TTC3: variants seen among roughly 807,000 people sequenced by gnomAD.
The protein encoded by TTC3 is E3 ubiquitin-protein ligase TTC3.
In TTC3, 180 loss-of-function variants were observed where a neutral mutation model predicts 249.6. The ratio of observed to expected loss-of-function variants is 0.72; its 90% CI spans 0.64 to 0.82. TTC3 has a LOEUF of 0.82. TTC3 is among the 40% of genes least tolerant of loss of function. The pLI is 0.00. For missense variants in TTC3, 2,061 were observed against 2,398.4 expected (o/e 0.86, Z 2.94); for synonymous variants, 717 against 805.0 (o/e 0.89, Z 1.85).
chr21:37,114,570 T>G (rs1470996262), intron 11 of TTC3, among the ~76,000 whole-genome samples: 1 of 152,168 alleles, frequency 6.6e-6, no homozygotes. Flanking sequence ...AGGAACACTT[T>G]TACACTGTTG....
At chr21:37,192,020 C>A in intron 40 of TTC3, 92 bp from the exon 41 acceptor site, 1 of 784,178 alleles carries the variant, frequency 1.3e-6, no homozygotes, top group Non-Finnish European at 2.0e-6. Flanking sequence ...ATTTCCTTAC[C>A]AAGACAGTTA....
intron 14 of TTC3, among the ~76,000 whole-genome samples, chr21:37,125,858 G>T (rs1486507438): frequency 8.4e-6 from 1 of 119,734 alleles, no homozygotes. Flanking sequence ...AATAGAAATA[G>T]AATTGTCATT....
At chr21:37,173,203 G>A (rs1053744415) in intron 35 of TTC3, among the ~76,000 whole-genome samples, 4 of 152,100 alleles carry the variant, frequency 2.6e-5, no homozygotes, top group Admixed American at 1.3e-4. Context: ...CCTGGAAAAT[G>A]TGAGTAATAA....
chr21:37,134,924 G>A (rs2147934138), intron 17 of TTC3, among the ~76,000 whole-genome samples: 1 of 152,256 alleles, frequency 6.6e-6, no homozygotes, highest in South Asian at 2.1e-4. Flanking sequence ...TTCTTGCTTA[G>A]AATTAAGGTT....
rs1204419590 is a variant in TTC3 at position 37,164,200 on chromosome 21, G to T, written c.3320G>T (p.Cys1107Phe). ...TGGGACATGAACCCAAAACAAAAAT[G>T]TTCAACTCTATATGAGTAAGTGGGT... The change falls in exon 32 of 46, where the codon TGT (cysteine) becomes TTT (phenylalanine). Residue 1107 changes from cysteine (C) to phenylalanine (F), a missense_variant. Cys to Phe is a radical substitution (Grantham distance 205). This residue lies in a region of TTC3 where 1,040 missense variants were observed against 1,186.1 expected (regional missense o/e 0.88). Transcript: ENST00000355666. The T allele has an allele frequency of 6.2e-7, 1 of 1,608,212 alleles. No individual in the cohort carries two copies. Among genetic ancestry groups the T allele is most frequent in the East Asian group, 2.2e-5 (1 of 44,694 alleles).
chr21:37,156,240 G>A (rs976473322), intron 27 of TTC3, among the ~76,000 whole-genome samples: 9 of 79,074 alleles, frequency 1.1e-4, no homozygotes, highest in Non-Finnish European at 2.4e-5. Context: ...GTCTTGCTAT[G>A]TTGCCAGGGC....
At chr21:37,142,001 C>T (rs1036361736) in intron 20 of TTC3, among the ~76,000 whole-genome samples, 3 of 152,076 alleles carry the variant, frequency 2.0e-5, no homozygotes, top group African/African-American at 7.2e-5. Context: ...AGACAAAAAC[C>T]GCATGATTAT....
At chr21:37,171,888 C>T (rs1322701633) in intron 34 of TTC3, among the ~76,000 whole-genome samples, 4 of 152,158 alleles carry the variant, frequency 2.6e-5, no homozygotes, top group Non-Finnish European at 4.4e-5. Flanking sequence ...CAGAGCTGGA[C>T]CAGGTTTGTG....
At chr21:37,144,461 CTT>C in intron 20 of TTC3, 62 bp from the exon 21 acceptor site, 2 of 1,550,136 alleles carry the variant, frequency 1.3e-6, no homozygotes, top group Non-Finnish European at 1.7e-6. Context: ...TCTTTGGTGA[CTT>C]TTGAAGGGAG....
chr21:37,191,413 G>T lies in TTC3; in HGVS notation c.5104G>T (p.Glu1702Ter). Residue 1702 changes from glutamate (E) to a stop codon, truncating the protein, a stop_gained, in exon 40 of 46, where the codon GAG becomes TAG. Transcript: ENST00000355666. LOFTEE classifies it high-confidence loss of function. ...TCTTTCTAATGTTACAAAAGAAATT[G>T]AGAAAGCAAAGGTAAGTTGTAAACA... 6.3e-7 allele frequency: 1 copy of T among 1,575,786 alleles called. No individual in the cohort carries two copies. The highest frequency in any genetic ancestry group is 1.2e-5 in the South Asian group (1 of 81,822).
chr21:37,073,385 C>A lies in TTC3; in HGVS notation c.-12+21C>A. On this transcript the variant is annotated intron_variant, in intron 1 of 45. In the 5' UTR this introduces an upstream ATG that the reference lacks. Coordinates refer to ENST00000355666, the Ensembl canonical transcript of TTC3. ...CCCGGGTGAGTGCACACCCGGCGCGCTGCCGGGCTCCCGGATGTGTCACCT... is the reference window on the plus strand; with the variant it reads ...CCCGGGTGAGTGCACACCCGGCGCGATGCCGGGCTCCCGGATGTGTCACCT... The A allele has an allele frequency of 1.0e-6, 1 of 984,996 alleles. No homozygotes were observed. The highest frequency in any genetic ancestry group is 1.2e-6 in the Non-Finnish European group (1 of 828,926). 61.0% of individuals were successfully genotyped at this position (984,996 alleles called of 1,614,324 possible).
chr21:37,131,299 G>C (rs918136452), intron 16 of TTC3, among the ~76,000 whole-genome samples: 2 of 152,136 alleles, frequency 1.3e-5, no homozygotes, highest in African/African-American at 4.8e-5. Context: ...AGGAGAGGAG[G>C]GGGGCTGGAA....
intron 17 of TTC3, among the ~76,000 whole-genome samples, chr21:37,134,075 C>T (rs141643264): frequency 2.0e-5 from 3 of 152,228 alleles, no homozygotes; most frequent in East Asian, 1.9e-4. Flanking sequence ...TGGCTGTCAT[C>T]GAGCTTTTAA....
intron 11 of TTC3, among the ~76,000 whole-genome samples, chr21:37,115,832 C>G (rs1207129677): frequency 2.0e-5 from 3 of 152,190 alleles, no homozygotes. Context: ...ATGCTTTTCC[C>G]CAGAGCGTTG....
At chr21:37,181,059 A>G (rs1377388479) in intron 35 of TTC3, among the ~76,000 whole-genome samples, 1 of 152,196 alleles carries the variant, frequency 6.6e-6, no homozygotes, top group Non-Finnish European at 1.5e-5. Flanking sequence ...CGTTCAGGAG[A>G]TCATTCTGTC....
At chr21:37,096,525 TTTTA>T in intron 9 of TTC3, 52 bp from the exon 10 acceptor site, 8 of 1,372,964 alleles carry the variant, frequency 5.8e-6, no homozygotes, top group Non-Finnish European at 8.1e-6. Context: ...TCTACGTGAT[TTTTA>T]TTTGTTTCAT....
At chr21:37,089,015 A>G (rs1380312937) in intron 5 of TTC3, 129 bp downstream of exon 5, 14 of 756,546 alleles carry the variant, frequency 1.9e-5, no homozygotes, top group Admixed American at 2.8e-5. Flanking sequence ...TTAACCTGAG[A>G]TAAATCTGCT....
In TTC3 at chr21:37,156,953, GA is replaced by G. The variant is rs567441234; in HGVS notation, c.2992+53del. On this transcript the variant is annotated intron_variant, in intron 28 of 45. Transcript: ENST00000355666. ...TTATATTACATTTAATCTTAAGGGG[GA>G]AAAAATCTGTGAAGGACCTAGCTTG... The G allele has an allele frequency of 2.2e-4, 354 of 1,576,682 alleles. No individual in the cohort carries two copies. The African/African-American group carries it at 3.3e-3, about 15-fold the overall frequency.
intron 28 of TTC3, chr21:37,157,344 AG>A: frequency 2.3e-6 from 1 of 440,258 alleles, no homozygotes; most frequent in Non-Finnish European, 3.9e-6. Flanking sequence ...GGTCAGGAAA[AG>A]TAGGTTGTGG....
Sources: gnomAD v4.1 joint callset for allele counts (sites outside exome capture counted in the v4.1 genomes callset) on GRCh38, gnomAD v4.1.1 for gene constraint, gnomAD v4.1.1 regional missense constraint, MANE v1.5 for transcripts, NCBI Gene and HGNC (gene_info 2026-07-23, HGNC 2026-07-21) for gene names.